Variants in CIB3 observed in about 807,000 individuals in gnomAD.
CIB3 encodes the protein calcium and integrin-binding family member 3.
In CIB3, 22 loss-of-function variants were observed where a neutral mutation model predicts 23.4. The observed-to-expected ratio is 0.94, with a 90% CI of 0.67 to 1.34. The LOEUF is 1.34. CIB3 is among the 40% of genes most tolerant of loss of function. The pLI is 0.00. For synonymous variants in CIB3, 93 were observed against 95.8 expected (o/e 0.97, Z 0.17); for missense variants, 258 against 247.3 (o/e 1.04, Z -0.29).
chr19:16,167,500 G>C (rs1039099092), intron 4 of CIB3, among the ~76,000 whole-genome samples: 35 of 152,034 alleles, frequency 2.3e-4, no homozygotes, highest in Non-Finnish European at 4.4e-5. Context: ...GGATGAATGG[G>C]GAGAGGCCTA....
At chr19:16,167,559 C>A (rs546003930) in intron 4 of CIB3, among the ~76,000 whole-genome samples, 1 of 151,788 alleles carries the variant, frequency 6.6e-6, no homozygotes. Context: ...GAGCTGGGTG[C>A]GGTGGCTCAC....
At chr19:16,166,945 G>A (rs2091308225) in intron 4 of CIB3, among the ~76,000 whole-genome samples, 1 of 152,192 alleles carries the variant, frequency 6.6e-6, no homozygotes, top group Non-Finnish European at 1.5e-5. Flanking sequence ...GCTGGGCGTG[G>A]TGGTTCATGC....
chr19:16,166,537 C>T (rs2091306427), intron 4 of CIB3, among the ~76,000 whole-genome samples: 2 of 152,106 alleles, frequency 1.3e-5, no homozygotes, highest in Admixed American at 1.3e-4. Context: ...GCTTACTGTG[C>T]ACCAGGCACT....
Position 16,173,170 on chromosome 19 carries a change from C to T in CIB3, c.78G>A (p.Glu26=). ...TTCCTCCCTGGACTGACCTCATGATCTCCTTCCTTGTGAAAAATGTGCAGT... is the reference window on the plus strand; with the variant it reads ...TTCCTCCCTGGACTGACCTCATGATTTCCTTCCTTGTGAAAAATGTGCAGT... ...YQDCTFFTRK[E]IMRLFYRYQD... is the part of the protein sequence containing the mutation. The change falls in exon 2 of 6, where the codon GAG becomes GAA. Residue 26 remains glutamate (E), a synonymous_variant. Transcript: ENST00000269878. 1 of 1,613,952 alleles carries T rather than the reference C, an allele frequency of 6.2e-7. No homozygotes were observed. The highest frequency in any genetic ancestry group is 1.3e-5 in the African/African-American group (1 of 74,960).
At chr19:16,168,755 C>T (rs1265346825) in intron 3 of CIB3, among the ~76,000 whole-genome samples, 2 of 151,972 alleles carry the variant, frequency 1.3e-5, no homozygotes, top group East Asian at 1.9e-4. Context: ...TGGGAGGAGC[C>T]GAGATATGGG....
chr19:16,172,965 A>AGAAGGAAG, intron 2 of CIB3, among the ~76,000 whole-genome samples, 197 bp downstream of exon 2: 2 of 135,606 alleles, frequency 1.5e-5, no homozygotes, highest in East Asian at 4.4e-4. Flanking sequence ...AAAAAAGAAA[A>AGAAGGAAG]GAAGGAAGGA....
In CIB3 at chr19:16,164,705, C is replaced by A. The variant is rs896850553; in HGVS notation, c.542+13G>T. 4 of 1,610,936 alleles carry A rather than the reference C, an allele frequency of 2.5e-6. No individual in the cohort carries two copies. The South Asian group carries it at 3.3e-5, about 13-fold the overall frequency. On this transcript the variant is annotated intron_variant, in intron 5 of 5. Transcript: ENST00000269878. ...TGTGCAAATGGACTGTGGGCGGTGA[C>A]GGAGAGCATCACCTGAGGAAGTCTG... is the stretch of plus-strand genomic sequence containing the variant.
At chr19:16,171,616 C>T (rs1242195963) in intron 2 of CIB3, among the ~76,000 whole-genome samples, 1 of 152,166 alleles carries the variant, frequency 6.6e-6, no homozygotes, top group Non-Finnish European at 1.5e-5. Context: ...CCTCTCCTCT[C>T]CCTCTCTGTG....
intron 4 of CIB3, among the ~76,000 whole-genome samples, chr19:16,167,236 A>G (rs777717152): frequency 7.6e-4 from 116 of 151,920 alleles, no homozygotes; most frequent in Non-Finnish European, 1.1e-3. Context: ...AAAAAAACAC[A>G]CACACAAAAA....
intron 4 of CIB3, among the ~76,000 whole-genome samples, chr19:16,166,248 G>A (rs958664628): frequency 6.6e-6 from 1 of 152,088 alleles, no homozygotes; most frequent in South Asian, 2.1e-4. Flanking sequence ...CTGAGATCGC[G>A]CCATTGCACT....
At chr19:16,173,036 C>A (rs1029918320) in intron 2 of CIB3, 126 bp downstream of exon 2, 1 of 1,057,158 alleles carries the variant, frequency 9.5e-7, no homozygotes, top group Non-Finnish European at 1.4e-6. Context: ...GAAAGAAAGA[C>A]TACTTACACA....
At position 16,173,176 on chromosome 19, in the gene CIB3, C is replaced by G; in HGVS notation, c.72G>C (p.Arg24Ser). Residue 24 changes from arginine to serine, a missense_variant, in exon 2 of 6, where the codon AGG (arginine) becomes AGC (serine). By Grantham distance (110) the Arg-to-Ser change is moderately radical. Transcript: ENST00000269878. ...EAYQDCTFFTRKEIMRLFYRY... is the reference protein window; with the variant it reads ...EAYQDCTFFTSKEIMRLFYRY... Reference sequence around the variant, plus strand: ...CCTGGACTGACCTCATGATCTCCTTCCTTGTGAAAAATGTGCAGTCCTGTG... The same window carrying G: ...CCTGGACTGACCTCATGATCTCCTTGCTTGTGAAAAATGTGCAGTCCTGTG... 6.2e-7 allele frequency: 1 copy of G among 1,613,894 alleles called. No individual in the cohort carries two copies. Among genetic ancestry groups the G allele is most frequent in the Non-Finnish European group, 8.5e-7 (1 of 1,179,978 alleles).
chr19:16,169,678 G>T lies in CIB3; in HGVS notation c.150C>A (p.Pro50=). 2.5e-6 allele frequency: 4 copies of T among 1,613,772 alleles called. No homozygotes were observed. The highest frequency in any genetic ancestry group is 3.4e-6 in the Non-Finnish European group (4 of 1,179,774). Residue 50 remains proline (P), a synonymous_variant, in exon 3 of 6, where the codon CCC becomes CCA. Coordinates refer to ENST00000269878, the MANE Select transcript of CIB3 (RefSeq NM_054113.4). Reference sequence around the variant, plus strand: ...TGAGCTCGTAGGGCACCTTCACATCGGGGCAGGTGGTATAGTCGAGGGGCA... The same window carrying T: ...TGAGCTCGTAGGGCACCTTCACATCTGGGCAGGTGGTATAGTCGAGGGGCA... ...QLVPLDYTTC[P]DVKVPYELIG...
intron 2 of CIB3, 91 bp downstream of exon 2, chr19:16,173,071 C>A (rs2091336237): frequency 1.3e-6 from 2 of 1,496,692 alleles, no homozygotes; most frequent in Non-Finnish European, 9.3e-7. Context: ...CACACACACA[C>A]ACACACACAC....
In CIB3 at chr19:16,161,384, G is replaced by T; in HGVS notation, c.*81C>A. On this transcript the variant is annotated 3_prime_UTR_variant, in exon 6 of 6. Coordinates refer to ENST00000269878, the MANE Select transcript of CIB3 (RefSeq NM_054113.4). ...CCCAGCAGGTGTGACTCAGTGACTT[G>T]TGTTTATTCTCAGAAACCAGAGTCC... is the stretch of plus-strand genomic sequence containing the variant. The T allele has an allele frequency of 7.1e-7, 1 of 1,405,080 alleles. No individual in the cohort carries two copies. 87.0% of individuals were successfully genotyped at this position (1,405,080 alleles called of 1,614,324 possible). A position where few individuals can be genotyped will look rare whatever the true frequency, so the allele number is the denominator to read the frequency against.
At chr19:16,173,377 G>T in intron 1 of CIB3, 48 bp downstream of exon 1, 1 of 1,589,672 alleles carries the variant, frequency 6.3e-7, no homozygotes, top group Non-Finnish European at 8.6e-7. Context: ...CCAGACCACG[G>T]AACCAAAGTT....
chr19:16,162,243 C>CA (rs79329568), intron 5 of CIB3, among the ~76,000 whole-genome samples: 2,792 of 52,300 alleles, frequency 0.053, 93 homozygotes, highest in East Asian at 0.22. Flanking sequence ...CTTGTCTCCA[C>CA]AAAAAAAAAA....
At chr19:16,168,082 G>A in intron 4 of CIB3, 55 bp downstream of exon 4, 3 of 1,450,922 alleles carry the variant, frequency 2.1e-6, no homozygotes, top group Non-Finnish European at 2.8e-6. Flanking sequence ...CACCCACCCA[G>A]TTCCCACTCC....
Position 16,168,265 on chromosome 19 carries a change from C to A in CIB3, c.218G>T (p.Arg73Met), listed in dbSNP as rs763714279. The part of the protein sequence containing the change: ...PELKDNPFRQ[R>M]IAQVFSEDGD... ...ATCCTCAGAGAATACCTGGGCAATC[C>A]TCTGGCGGAAGGGGTTGTCCTGGGG... Residue 73 changes from arginine (R) to methionine (M), a missense_variant, in exon 4 of 6, where the codon AGG becomes ATG. By Grantham distance (91) the Arg-to-Met change is moderately conservative. Coordinates refer to ENST00000269878, the MANE Select transcript of CIB3 (RefSeq NM_054113.4). 1.9e-6 allele frequency: 3 copies of A among 1,613,910 alleles called. No individual in the cohort carries two copies. The highest frequency in any genetic ancestry group is 2.2e-5 in the South Asian group (2 of 90,934).
Sources: gnomAD v4.1 joint callset for allele counts (sites outside exome capture counted in the v4.1 genomes callset) on GRCh38, gnomAD v4.1.1 for gene constraint, MANE v1.5 for transcripts, NCBI Gene and HGNC (gene_info 2026-07-23, HGNC 2026-07-21) for gene names.